Variants in LMBRD1 observed in about 807,000 individuals in gnomAD.
LMBRD1 encodes LMBR1 domain containing 1.
A neutral mutation model predicts 74.8 loss-of-function variants in LMBRD1; 64 were observed. The observed-to-expected ratio is 0.86, with a 90% CI of 0.70 to 1.05. The LOEUF (loss-of-function observed/expected upper bound fraction) is 1.05, where lower values mean the gene tolerates loss of function less well. Ranked by LOEUF, LMBRD1 falls within the 50% of genes least tolerant of loss-of-function variation. The pLI is 0.00. For synonymous variants in LMBRD1, 204 were observed against 216.3 expected, an observed-to-expected ratio of 0.94 and a Z score of 0.50; for missense variants, 652 against 645.9, an observed-to-expected ratio of 1.01 and a Z score of -0.10.
rs1765498368 is a variant in LMBRD1, at chr6:69,674,097, G to C, written c.*2061C>G. On this transcript the variant is annotated 3_prime_UTR_variant, in exon 16 of 16. Transcript: ENST00000649934. ...GGTTGACAACACTGGATTCTCCTGA[G>C]GCCTCTCCTGTTGGCTTGCAGACCA... Among the ~76,000 whole-genome samples, 1 of 152,140 alleles carries C rather than the reference G, an allele frequency of 6.6e-6. No individual in the cohort carries two copies. The highest frequency in any genetic ancestry group is 6.6e-5 in the Admixed American group (1 of 15,260).
At chr6:69,697,304 A>G (rs904570025) in intron 14 of LMBRD1, among the ~76,000 whole-genome samples, 1 of 152,028 alleles carries the variant, frequency 6.6e-6, no homozygotes, top group African/African-American at 2.4e-5. Context: ...CTTAAGAGTG[A>G]TTTCTTATTA....
At chr6:69,685,723 C>T (rs1189982812) in intron 14 of LMBRD1, among the ~76,000 whole-genome samples, 1 of 152,128 alleles carries the variant, frequency 6.6e-6, no homozygotes, top group Non-Finnish European at 1.5e-5. Flanking sequence ...ATTGTTGGAA[C>T]CCGGGAGGCA....
intron 13 of LMBRD1, 23 bp downstream of exon 13, chr6:69,699,020 C>T: frequency 1.4e-6 from 2 of 1,472,768 alleles, no homozygotes; most frequent in Non-Finnish European, 1.9e-6. Flanking sequence ...TCAAAATAAT[C>T]AAGTTTCAAA....
chr6:69,784,558 C>T (rs1765903931), intron 2 of LMBRD1, among the ~76,000 whole-genome samples: 1 of 152,192 alleles, frequency 6.6e-6, no homozygotes, highest in South Asian at 2.1e-4. Context: ...CGCCACTAAA[C>T]ACCTACAATT....
In LMBRD1 at chr6:69,690,987, C is replaced by A. The variant is rs142390904; in HGVS notation, c.1417+6576G>T. Among the ~76,000 whole-genome samples the A allele has an allele frequency of 5.9e-5, 9 of 152,178 alleles. No homozygotes were observed. In the East Asian group the frequency reaches 1.7e-3, roughly 29 times the overall value. On this transcript the variant is annotated intron_variant, in intron 14 of 15. Transcript: ENST00000649934. Reference sequence around the variant, plus strand: ...TTGCATATTATAATGCCATAGTATTCTTTTTATCTCTCCTCTTCCAAACTC... The same window carrying A: ...TTGCATATTATAATGCCATAGTATTATTTTTATCTCTCCTCTTCCAAACTC...
chr6:69,785,520 T>A (rs1000784864), intron 2 of LMBRD1, among the ~76,000 whole-genome samples: 2 of 152,202 alleles, frequency 1.3e-5, no homozygotes, highest in Admixed American at 1.3e-4. Context: ...GCACATGCCC[T>A]CTTATTCCTC....
intron 5 of LMBRD1, among the ~76,000 whole-genome samples, chr6:69,743,561 T>G (rs1470882131): frequency 6.6e-6 from 1 of 152,190 alleles, no homozygotes; most frequent in African/African-American, 2.4e-5. Context: ...TCAGAATGAC[T>G]TCAGGAAAAT....
At chr6:69,784,120 C>T (rs1754596711) in intron 2 of LMBRD1, among the ~76,000 whole-genome samples, 1 of 152,210 alleles carries the variant, frequency 6.6e-6, no homozygotes, top group Non-Finnish European at 1.5e-5. Context: ...GTTTGTAAAA[C>T]TTTCCTTCTA....
chr6:69,752,680 G>A (rs1765185119), intron 3 of LMBRD1, among the ~76,000 whole-genome samples: 2 of 152,112 alleles, frequency 1.3e-5, no homozygotes, highest in South Asian at 2.1e-4. Flanking sequence ...TGCTGAGAAC[G>A]TCCTATAAAC....
At chr6:69,729,640 T>C (rs1445899846) in intron 7 of LMBRD1, among the ~76,000 whole-genome samples, 1 of 152,056 alleles carries the variant, frequency 6.6e-6, no homozygotes, top group Non-Finnish European at 1.5e-5. Flanking sequence ...TTAGAAGAGC[T>C]GAACTGAATT....
Position 69,781,308 on chromosome 6 carries a change from G to A in LMBRD1, c.247-754C>T, listed in dbSNP as rs990051899. ...TAAGGTACAATGTCAAGCCTTTTTG[G>A]CCTATACTCTAAATTCTGTGCATGT... is the stretch of plus-strand genomic sequence containing the variant. On this transcript the variant is annotated intron_variant, in intron 2 of 15. Transcript: ENST00000649934. Among the ~76,000 whole-genome samples the A allele has an allele frequency of 3.8e-4, 58 of 152,002 alleles. 1 individual carries two copies. The highest frequency in any genetic ancestry group is 1.4e-3 in the African/African-American group (57 of 41,392).
intron 2 of LMBRD1, 105 bp from the exon 3 acceptor site, chr6:69,780,659 C>CCCACAT: frequency 2.4e-6 from 2 of 827,820 alleles, no homozygotes; most frequent in Non-Finnish European, 4.1e-6. Flanking sequence ...AATCTATCCA[C>CCCACAT]CCACATAAAA....
At chr6:69,761,717 C>A (rs1229020275) in intron 3 of LMBRD1, among the ~76,000 whole-genome samples, 2 of 152,152 alleles carry the variant, frequency 1.3e-5, no homozygotes, top group African/African-American at 4.8e-5. Flanking sequence ...TTATAAAGTT[C>A]TATAGCCATC....
chr6:69,676,652 T>C, intron 14 of LMBRD1, 111 bp from the exon 15 acceptor site: 1 of 860,018 alleles, frequency 1.2e-6, no homozygotes, highest in East Asian at 2.7e-5. Flanking sequence ...ATCATATGGC[T>C]AGTAAGTGTC....
At chr6:69,740,866 A>G (rs1767087000) in intron 6 of LMBRD1, among the ~76,000 whole-genome samples, 1 of 152,154 alleles carries the variant, frequency 6.6e-6, no homozygotes, top group African/African-American at 2.4e-5. Flanking sequence ...ATCACTTTCT[A>G]ATGCCAGTTA....
intron 3 of LMBRD1, among the ~76,000 whole-genome samples, chr6:69,760,695 A>G (rs1380933269): frequency 6.6e-6 from 1 of 152,162 alleles, no homozygotes; most frequent in African/African-American, 2.4e-5. Flanking sequence ...CTGCTAAGGA[A>G]CAGAATATGA....
chr6:69,692,557 C>T (rs1440100545), intron 14 of LMBRD1, among the ~76,000 whole-genome samples: 1 of 152,104 alleles, frequency 6.6e-6, no homozygotes, highest in African/African-American at 2.4e-5. Context: ...AATAGTGTTG[C>T]CACCATTCAT....
At chr6:69,794,961 C>CAGCT in intron 1 of LMBRD1, among the ~76,000 whole-genome samples, 1 of 152,304 alleles carries the variant, frequency 6.6e-6, no homozygotes, top group South Asian at 2.1e-4. Flanking sequence ...TTCCACCTTG[C>CAGCT]AGCTGACATG....
intron 14 of LMBRD1, among the ~76,000 whole-genome samples, chr6:69,685,529 G>C (rs941133876): frequency 7.2e-5 from 11 of 152,032 alleles, no homozygotes; most frequent in African/African-American, 2.7e-4. Flanking sequence ...GGTCAGGCGT[G>C]GTGGCTCATG....
Sources: gnomAD v4.1 joint callset for allele counts (sites outside exome capture counted in the v4.1 genomes callset) on GRCh38, gnomAD v4.1.1 for gene constraint, MANE v1.5 for transcripts, NCBI Gene and HGNC (gene_info 2026-07-23, HGNC 2026-07-21) for gene names.